NAALADL2: variants seen among roughly 807,000 people sequenced by gnomAD.
NAALADL2 encodes the protein inactive N-acetylated-alpha-linked acidic dipeptidase-like protein 2.
Under a neutral mutation model 87.2 loss-of-function variants are expected in NAALADL2, and 76 were observed. The ratio of observed to expected loss-of-function variants is 0.87; its 90% CI spans 0.72 to 1.05. The LOEUF (loss-of-function observed/expected upper bound fraction) is 1.05, where lower values mean the gene tolerates loss of function less well. NAALADL2 is among the 50% of genes least tolerant of loss of function. The pLI, the probability that NAALADL2 is intolerant of heterozygous loss-of-function variation, is 0.00. For synonymous variants in NAALADL2, 354 were observed against 331.0 expected, an observed-to-expected ratio of 1.07 and a Z score of -0.75; for missense variants, 1,089 against 945.8, an observed-to-expected ratio of 1.15 and a Z score of -1.99.
intron 1 of NAALADL2, among the ~76,000 whole-genome samples, chr3:174,898,185 A>G (rs1731848218): frequency 6.8e-6 from 1 of 147,952 alleles, no homozygotes; most frequent in African/African-American, 2.5e-5. Flanking sequence ...TAACATGGGC[A>G]GAATTGGAGA....
intron 2 of NAALADL2, among the ~76,000 whole-genome samples, chr3:174,708,530 T>G (rs1168471563): frequency 2.6e-5 from 4 of 152,186 alleles, no homozygotes; most frequent in Non-Finnish European, 5.9e-5. Context: ...TTAGGGACCA[T>G]TATGTTTGTG....
At chr3:175,621,285 A>G (rs1726200963) in intron 10 of NAALADL2, among the ~76,000 whole-genome samples, 1 of 152,166 alleles carries the variant, frequency 6.6e-6, no homozygotes, top group African/African-American at 2.4e-5. Context: ...AGAGAAAGTT[A>G]ATTTTCCTAA....
chr3:175,429,511 G>A (rs1717401367), intron 5 of NAALADL2, among the ~76,000 whole-genome samples: 1 of 151,868 alleles, frequency 6.6e-6, no homozygotes, highest in Admixed American at 6.6e-5. Flanking sequence ...CTATCCTATA[G>A]TGCTAACGAG....
chr3:174,738,890 T>C (rs994998164), intron 3 of NAALADL2, among the ~76,000 whole-genome samples: 1 of 152,196 alleles, frequency 6.6e-6, no homozygotes, highest in Non-Finnish European at 1.5e-5. Context: ...CAATATTACA[T>C]GATGCATCAG....
chr3:175,173,705 T>TAAAC (rs1735230724), intron 2 of NAALADL2, among the ~76,000 whole-genome samples: 1 of 152,210 alleles, frequency 6.6e-6, no homozygotes, highest in Admixed American at 6.5e-5. Context: ...TTGGTCTGTT[T>TAAAC]AGCTTTCCTT....
intron 3 of NAALADL2, among the ~76,000 whole-genome samples, chr3:174,805,247 A>G (rs1319444396): frequency 3.3e-5 from 5 of 152,166 alleles, no homozygotes; most frequent in Non-Finnish European, 7.4e-5. Flanking sequence ...CCAAAATGTG[A>G]TTAAAAGAAT....
At chr3:175,112,746 G>A (rs1448165445) in intron 2 of NAALADL2, 1 of 151,628 alleles carries the variant, frequency 6.6e-6, no homozygotes, top group Non-Finnish European at 1.5e-5. Context: ...AAGATGGATA[G>A]ATCCTTTAGG....
At chr3:175,044,491 A>G (rs1754446104) in intron 1 of NAALADL2, among the ~76,000 whole-genome samples, 1 of 152,112 alleles carries the variant, frequency 6.6e-6, no homozygotes, top group African/African-American at 2.4e-5. Context: ...TGCAAGGGGA[A>G]TCTGATAACT....
chr3:175,493,606 A>G (rs936580635), intron 9 of NAALADL2, among the ~76,000 whole-genome samples: 2 of 152,130 alleles, frequency 1.3e-5, no homozygotes, highest in Non-Finnish European at 2.9e-5. Flanking sequence ...AAAACTGCAT[A>G]TTTTAACCAA....
chr3:175,238,643 T>C (rs892938993), intron 3 of NAALADL2, among the ~76,000 whole-genome samples: 13 of 152,176 alleles, frequency 8.5e-5, no homozygotes, highest in Non-Finnish European at 1.8e-4. Flanking sequence ...TAGGTGGCTA[T>C]TATATATGCA....
At chr3:174,806,124 A>T (rs1415602891) in intron 3 of NAALADL2, among the ~76,000 whole-genome samples, 1 of 152,132 alleles carries the variant, frequency 6.6e-6, no homozygotes, top group Admixed American at 6.6e-5. Context: ...ATTATCACTA[A>T]TCTTTTGTCC....
At chr3:175,330,695 C>A (rs1761293319) in intron 5 of NAALADL2, among the ~76,000 whole-genome samples, 1 of 151,748 alleles carries the variant, frequency 6.6e-6, no homozygotes, top group Admixed American at 6.6e-5. Flanking sequence ...ACACCTATAT[C>A]AAAAAAATAC....
At chr3:174,650,850 A>G (rs1394330493) in intron 2 of NAALADL2, among the ~76,000 whole-genome samples, 1 of 152,182 alleles carries the variant, frequency 6.6e-6, no homozygotes, top group Non-Finnish European at 1.5e-5. Context: ...ATTTTCCTCT[A>G]TAGATTTATC....
At chr3:175,793,298 A>G (rs1576849152) in intron 13 of NAALADL2, among the ~76,000 whole-genome samples, 2 of 136,018 alleles carry the variant, frequency 1.5e-5, no homozygotes, top group Non-Finnish European at 3.2e-5. Context: ...ACAAAACAGC[A>G]TTTTCTTTCT....
chr3:175,669,447 T>A (rs1399189882), intron 11 of NAALADL2, among the ~76,000 whole-genome samples: 1 of 152,100 alleles, frequency 6.6e-6, no homozygotes, highest in East Asian at 1.9e-4. Flanking sequence ...ATGATGTGCA[T>A]CTTTATTCAT....
chr3:175,018,704 T>G (rs887374809), intron 1 of NAALADL2, among the ~76,000 whole-genome samples: 1 of 152,080 alleles, frequency 6.6e-6, no homozygotes, highest in African/African-American at 2.4e-5. Context: ...GTGGCAAGTA[T>G]CACATTGTTC....
intron 2 of NAALADL2, among the ~76,000 whole-genome samples, chr3:175,229,494 G>A (rs1023680068): frequency 6.6e-6 from 1 of 151,892 alleles, no homozygotes; most frequent in African/African-American, 2.4e-5. Flanking sequence ...CCTTAAATTA[G>A]ATAATTAGTA....
chr3:174,897,902 A>G (rs903998301), intron 1 of NAALADL2, among the ~76,000 whole-genome samples: 26 of 148,338 alleles, frequency 1.8e-4, no homozygotes, highest in Non-Finnish European at 3.2e-4. Flanking sequence ...TCACGAGGTC[A>G]GGAGATCGAG....
chr3:175,052,225 T>C (rs370437737), intron 1 of NAALADL2, among the ~76,000 whole-genome samples: 1 of 152,196 alleles, frequency 6.6e-6, no homozygotes, highest in African/African-American at 2.4e-5. Context: ...CATCTTTCAG[T>C]GGTTTTCCGC....
Sources: allele counts gnomAD v4.1 joint callset (sites outside exome capture counted in the v4.1 genomes callset), GRCh38; gene constraint gnomAD v4.1.1; transcripts MANE v1.5; gene names NCBI Gene and HGNC (gene_info 2026-07-23, HGNC 2026-07-21).